The following ENPP3 variants were observed in gnomAD, a reference collection of about 807,000 sequenced individuals.
The protein encoded by ENPP3 is ectonucleotide pyrophosphatase/phosphodiesterase family member 3.
Under a neutral mutation model 117.8 loss-of-function variants are expected in ENPP3, and 104 were observed. The observed-to-expected ratio is 0.88, with a 90% confidence interval of 0.75 to 1.04. ENPP3 has a LOEUF of 1.04. ENPP3 is among the 50% of genes least tolerant of loss of function. The pLI is 0.00. For missense variants in ENPP3, 1,026 were observed against 1,051.9 expected (o/e 0.98, Z 0.34); for synonymous variants, 380 against 349.9 (o/e 1.09, Z -0.96).
intron 6 of ENPP3, among the ~76,000 whole-genome samples, chr6:131,661,060 T>C (rs1323503609): frequency 1.3e-5 from 2 of 152,202 alleles, no homozygotes; most frequent in African/African-American, 4.8e-5. Context: ...TTGCAAGATT[T>C]TCCTCTTTTA....
At chr6:131,670,798 A>G (rs1041977047) in intron 6 of ENPP3, among the ~76,000 whole-genome samples, 3 of 152,188 alleles carry the variant, frequency 2.0e-5, no homozygotes, top group Non-Finnish European at 4.4e-5. Context: ...AGTCTGTTTT[A>G]CATTTTTAAA....
At chr6:131,740,428 C>T in intron 24 of ENPP3, 48 bp downstream of exon 24, 3 of 1,388,040 alleles carry the variant, frequency 2.2e-6, no homozygotes, top group Non-Finnish European at 2.9e-6. Flanking sequence ...TGAGTCAGAG[C>T]TCATTTGGGT....
At chr6:131,659,019 T>C (rs1778443936) in intron 6 of ENPP3, among the ~76,000 whole-genome samples, 1 of 152,244 alleles carries the variant, frequency 6.6e-6, no homozygotes, top group Admixed American at 6.5e-5. Flanking sequence ...ATTCAAAAAA[T>C]AGCTGTTTGA....
chr6:131,745,708 C>A (rs1765511913), intron 24 of ENPP3, among the ~76,000 whole-genome samples: 1 of 152,190 alleles, frequency 6.6e-6, no homozygotes, highest in Admixed American at 6.5e-5. Context: ...CACTATTTTA[C>A]ACCCACGGTT....
At chr6:131,649,913 C>T (rs1436190254) in intron 2 of ENPP3, 114 bp from the exon 3 acceptor site, 10 of 1,102,930 alleles carry the variant, frequency 9.1e-6, no homozygotes, top group Middle Eastern at 2.1e-4. Context: ...CCATAAAAAT[C>T]ATCTAGTTGT....
intron 5 of ENPP3, among the ~76,000 whole-genome samples, chr6:131,657,342 A>T (rs1036006312): frequency 9.9e-5 from 15 of 152,186 alleles, no homozygotes; most frequent in African/African-American, 3.6e-4. Flanking sequence ...CCCATTGCTT[A>T]CTTCCCAAAG....
rs1162719047 is a variant in ENPP3 at position 131,683,716 on chromosome 6, C to T, written c.1120+554C>T. Reference sequence around the variant, plus strand: ...CCACCTCACGCAAAATGCATTCAAACAGTTTTGAAGTACATATGCACTCAC... The same window carrying T: ...CCACCTCACGCAAAATGCATTCAAATAGTTTTGAAGTACATATGCACTCAC... On this transcript the variant is annotated intron_variant, in intron 12 of 24. Transcript: ENST00000357639. Among the ~76,000 whole-genome samples the T allele has an allele frequency of 2.7e-5, 4 of 149,644 alleles. No individual in the cohort carries two copies. In the East Asian group the frequency reaches 7.9e-4, roughly 29 times the overall value.
intron 23 of ENPP3, among the ~76,000 whole-genome samples, chr6:131,738,375 G>T (rs1780446961): frequency 6.6e-6 from 1 of 152,030 alleles, no homozygotes; most frequent in Non-Finnish European, 1.5e-5. Flanking sequence ...TCCTGGAAAA[G>T]TTTAGCAAAA....
chr6:131,661,784 A>G (rs1778506356), intron 6 of ENPP3, among the ~76,000 whole-genome samples: 1 of 152,128 alleles, frequency 6.6e-6, no homozygotes, highest in Non-Finnish European at 1.5e-5. Context: ...TTCCTTATAT[A>G]TTTTCGAAAT....
intron 21 of ENPP3, among the ~76,000 whole-genome samples, chr6:131,734,453 G>A (rs12206779): frequency 0.069 from 10,538 of 152,170 alleles, 825 homozygotes; most frequent in East Asian, 0.33. Flanking sequence ...TAAAGATTCC[G>A]AAATGTATAA....
chr6:131,723,924 C>G (rs1177150830), intron 18 of ENPP3, 116 bp from the exon 19 acceptor site: 2 of 705,500 alleles, frequency 2.8e-6, no homozygotes, highest in Non-Finnish European at 4.9e-6. Flanking sequence ...AGGCTAGCTT[C>G]TTTGGCAGTA....
In ENPP3 at chr6:131,746,998, A is replaced by G. The variant is rs775958732; in HGVS notation, c.*42A>G. 9.1e-5 allele frequency: 104 copies of G among 1,138,658 alleles called. No individual in the cohort carries two copies. The highest frequency in any genetic ancestry group is 1.0e-4 in the Non-Finnish European group (87 of 841,882). The allele number at this position is 1,138,658 out of a possible 1,614,324, so 70.5% of individuals were successfully genotyped here. Reference sequence around the variant, plus strand: ...TAATATATAATTTACTGTATAAAGTAATTTTGGCAAAATATAAGTGATTTT... The same window carrying G: ...TAATATATAATTTACTGTATAAAGTGATTTTGGCAAAATATAAGTGATTTT... On this transcript the variant is annotated 3_prime_UTR_variant, in exon 25 of 25. Transcript: ENST00000357639.
chr6:131,668,262 G>C (rs926602138), intron 6 of ENPP3, among the ~76,000 whole-genome samples: 3 of 144,316 alleles, frequency 2.1e-5, no homozygotes, highest in Admixed American at 1.4e-4. Context: ...GCCGAGGCTG[G>C]AGCACAGTGG....
At chr6:131,669,581 A>G (rs552084182) in intron 6 of ENPP3, among the ~76,000 whole-genome samples, 2 of 145,358 alleles carry the variant, frequency 1.4e-5, no homozygotes, top group East Asian at 2.2e-4. Flanking sequence ...GGCTGAACTC[A>G]GGAGGCAGAA....
chr6:131,645,726 T>C (rs949161040), intron 2 of ENPP3, among the ~76,000 whole-genome samples: 15 of 152,218 alleles, frequency 9.9e-5, no homozygotes, highest in South Asian at 4.1e-4. Flanking sequence ...AAGGTATTAC[T>C]TTACTGTCTT....
intron 12 of ENPP3, among the ~76,000 whole-genome samples, chr6:131,683,903 AC>A (rs1254003199): frequency 2.0e-5 from 3 of 151,634 alleles, no homozygotes; most frequent in African/African-American, 4.9e-5. Context: ...GGCGCCCACC[AC>A]CACGCCTGGC....
Position 131,679,089 on chromosome 6 carries a change from T to TTTCTTTCTTTCTTTC in ENPP3, c.1011+1149_1011+1150insTTCTTTCTTTCTTTC, listed in dbSNP as rs1562447085. Among the ~76,000 whole-genome samples, 35 of 80,508 alleles carry TTTCTTTCTTTCTTTC rather than the reference T, an allele frequency of 4.3e-4. 5 individuals carry two copies. The highest frequency in any genetic ancestry group is 6.0e-3 in the Middle Eastern group (1 of 166). The allele number at this position is 80,508 out of a possible 152,430, so 52.8% of individuals were successfully genotyped here. A position where few individuals can be genotyped will look rare whatever the true frequency, so the allele number is the denominator to read the frequency against. Reference sequence around the variant, plus strand: ...TCTTTCTTTCTTTCTTTCTTTCTTTTCTTCTTTCTTTCTTTCCTTTTTTGA... The same window carrying TTTCTTTCTTTCTTTC: ...TCTTTCTTTCTTTCTTTCTTTCTTTTTTCTTTCTTTCTTTCCTTCTTTCTTTCTTTCCTTTTTTGA... On this transcript the variant is annotated intron_variant, in intron 11 of 24. Coordinates refer to ENST00000357639, the MANE Select transcript of ENPP3 (RefSeq NM_005021.5).
At chr6:131,734,782 A>G (rs891916164) in intron 21 of ENPP3, among the ~76,000 whole-genome samples, 1 of 151,738 alleles carries the variant, frequency 6.6e-6, no homozygotes, top group African/African-American at 2.4e-5. Context: ...CGCACCTGTA[A>G]TACCAGCTAT....
intron 16 of ENPP3, among the ~76,000 whole-genome samples, chr6:131,719,517 A>G (rs1055690178): frequency 6.6e-6 from 1 of 152,078 alleles, no homozygotes; most frequent in African/African-American, 2.4e-5. Flanking sequence ...CTTTTTGTAA[A>G]TATTTGAAAA....
Sources: allele counts gnomAD v4.1 joint callset (sites outside exome capture counted in the v4.1 genomes callset), GRCh38; gene constraint gnomAD v4.1.1; transcripts MANE v1.5; gene names NCBI Gene and HGNC (gene_info 2026-07-23, HGNC 2026-07-21).